The following RIPOR2 variants were observed in gnomAD, a reference collection of about 807,000 sequenced individuals.
RIPOR2 encodes the protein RHO family interacting cell polarization regulator 2, also known as rho family-interacting cell polarization regulator 2.
RIPOR2 carries 39 observed loss-of-function variants against 114.5 expected under a neutral mutation model. The ratio of observed to expected loss-of-function variants is 0.34; its 90% CI spans 0.26 to 0.44. The LOEUF is 0.44. Ranked by LOEUF, RIPOR2 falls within the 20% of genes least tolerant of loss-of-function variation. RIPOR2 has a pLI of 1.00. For synonymous variants in RIPOR2, 445 were observed against 484.4 expected (o/e 0.92, Z 1.07); for missense variants, 1,007 against 1,255.1 (o/e 0.80, Z 2.99).
intron 1 of RIPOR2, among the ~76,000 whole-genome samples, chr6:24,968,275 T>G (rs1293119351): frequency 3.3e-5 from 5 of 152,216 alleles, no homozygotes; most frequent in Non-Finnish European, 7.4e-5. Context: ...ATCTTTCAAA[T>G]GAGGGCCTTG....
intron 1 of RIPOR2, among the ~76,000 whole-genome samples, chr6:24,981,864 T>C (rs1048901417): frequency 6.6e-6 from 1 of 152,262 alleles, no homozygotes; most frequent in Admixed American, 6.5e-5. Flanking sequence ...GAAGGGTTTC[T>C]GACAAAAAAT....
intron 12 of RIPOR2, chr6:24,847,421 A>T: frequency 3.1e-6 from 3 of 958,684 alleles, no homozygotes; most frequent in Non-Finnish European, 4.5e-6. Flanking sequence ...CCCCAAGGAC[A>T]GTACAGCTGT....
In RIPOR2 at chr6:24,863,014, G is replaced by A. The variant is rs192566029; in HGVS notation, c.652-1978C>T. 9.9e-5 allele frequency among the ~76,000 whole-genome samples: 15 copies of A among 152,094 alleles called. No homozygotes were observed. In the East Asian group the frequency reaches 2.3e-3, roughly 24 times the overall value. On this transcript the variant is annotated intron_variant, in intron 7 of 21. Coordinates refer to ENST00000643898, the MANE Select transcript of RIPOR2 (RefSeq NM_001286445.3). The stretch of plus-strand genomic sequence containing the variant: ...GTCACCCAGGCTGGAGTGTAGTGGC[G>A]CCGTCTCAGCTCACTGCAACCTCTG...
At chr6:24,984,082 G>C (rs1408270783) in intron 1 of RIPOR2, among the ~76,000 whole-genome samples, 2 of 152,168 alleles carry the variant, frequency 1.3e-5, no homozygotes, top group African/African-American at 4.8e-5. Flanking sequence ...TATAGAACTT[G>C]ACACCTCGGA....
intron 4 of RIPOR2, among the ~76,000 whole-genome samples, chr6:24,872,483 T>C (rs1392748689): frequency 6.6e-6 from 1 of 152,306 alleles, no homozygotes; most frequent in South Asian, 2.1e-4. Context: ...CTTCCCAAAG[T>C]GTTGGGATAA....
chr6:24,878,114 T>G (rs1205651822), intron 1 of RIPOR2, among the ~76,000 whole-genome samples: 1 of 152,178 alleles, frequency 6.6e-6, no homozygotes, highest in African/African-American at 2.4e-5. Context: ...AGTTAAACTT[T>G]AAAATGGAGA....
chr6:24,864,371 G>A (rs1420767613), intron 7 of RIPOR2, among the ~76,000 whole-genome samples: 1 of 152,090 alleles, frequency 6.6e-6, no homozygotes, highest in South Asian at 2.1e-4. Context: ...AGGAACTTAG[G>A]TAAAGAAGCC....
chr6:24,847,023 C>G (rs1762370107), intron 12 of RIPOR2, among the ~76,000 whole-genome samples: 1 of 152,188 alleles, frequency 6.6e-6, no homozygotes, highest in Admixed American at 6.5e-5. Flanking sequence ...ACCATCTTGG[C>G]TAACTGCAAC....
intron 5 of RIPOR2, 71 bp from the exon 6 acceptor site, chr6:24,869,218 T>A (rs2113867150): frequency 1.4e-6 from 1 of 713,388 alleles, no homozygotes; most frequent in East Asian, 2.7e-5. Flanking sequence ...TGAGAATATC[T>A]TGATTATATC....
intron 1 of RIPOR2, among the ~76,000 whole-genome samples, chr6:24,973,750 A>C (rs983698167): frequency 1.3e-5 from 2 of 152,186 alleles, no homozygotes; most frequent in African/African-American, 4.8e-5. Flanking sequence ...ACACCATGGA[A>C]TACAATGCAG....
intron 7 of RIPOR2, among the ~76,000 whole-genome samples, chr6:24,863,220 T>C (rs1218428828): frequency 6.6e-6 from 1 of 152,216 alleles, no homozygotes. Flanking sequence ...CCCAAAGTGC[T>C]GGGATTACAG....
At chr6:24,875,633 C>A in intron 2 of RIPOR2, 58 bp downstream of exon 2, 1 of 1,555,556 alleles carries the variant, frequency 6.4e-7, no homozygotes, top group Admixed American at 1.9e-5. Context: ...CTCTTCACAA[C>A]ATCAAAGTTC....
At chr6:24,817,980 T>TTTTTTTTTTTTTG (rs998930272) in intron 20 of RIPOR2, among the ~76,000 whole-genome samples, 2 of 140,198 alleles carry the variant, frequency 1.4e-5, no homozygotes, top group African/African-American at 5.2e-5. Context: ...CTCTCTCTCT[T>TTTTTTTTTTTTTG]TTTTTTTGAG....
chr6:24,877,055 A>T (rs1337080971), intron 1 of RIPOR2: 1 of 985,316 alleles, frequency 1.0e-6, no homozygotes, highest in Non-Finnish European at 1.2e-6. Context: ...GGCAGACAAC[A>T]AATCGGTATG....
At chr6:24,839,320 A>G in intron 13 of RIPOR2, 48 bp from the exon 14 acceptor site, 1 of 1,509,762 alleles carries the variant, frequency 6.6e-7, no homozygotes, top group Non-Finnish European at 8.9e-7. Context: ...ATCCGGAAAG[A>G]GAAACCAGAC....
chr6:24,845,347 A>G (rs1348422412), intron 12 of RIPOR2, among the ~76,000 whole-genome samples: 1 of 152,122 alleles, frequency 6.6e-6, no homozygotes, highest in Admixed American at 6.5e-5. Flanking sequence ...GGAATCTTTT[A>G]GGGGAGGGAT....
chr6:24,831,122 A>G (rs1244797399), intron 16 of RIPOR2, among the ~76,000 whole-genome samples: 2 of 152,184 alleles, frequency 1.3e-5, no homozygotes, highest in Non-Finnish European at 2.9e-5. Flanking sequence ...TAGTTTTCAG[A>G]TGGAACTAGC....
chr6:24,975,721 A>G (rs1293710495), intron 1 of RIPOR2, among the ~76,000 whole-genome samples: 2 of 152,226 alleles, frequency 1.3e-5, no homozygotes. Flanking sequence ...AATTGTTCTC[A>G]GCATACAAAA....
At chr6:24,825,120 A>T (rs1562222466) in intron 19 of RIPOR2, 106 bp downstream of exon 19, 2 of 822,538 alleles carry the variant, frequency 2.4e-6, no homozygotes, top group Non-Finnish European at 3.7e-6. Context: ...CATTATTAAT[A>T]CGCAGAAAAA....
Sources: allele counts gnomAD v4.1 joint callset (sites outside exome capture counted in the v4.1 genomes callset), GRCh38; gene constraint gnomAD v4.1.1; transcripts MANE v1.5; gene names NCBI Gene and HGNC (gene_info 2026-07-23, HGNC 2026-07-21).